KIAA1217: variants seen among roughly 807,000 people sequenced by gnomAD.
The protein encoded by KIAA1217 is KIAA1217.
A neutral mutation model predicts 163.9 loss-of-function variants in KIAA1217; 88 were observed. The ratio of observed to expected loss-of-function variants is 0.54; its 90% CI spans 0.45 to 0.64. KIAA1217 has a LOEUF of 0.64. KIAA1217 is among the 30% of genes least tolerant of loss of function. The probability of loss-of-function intolerance (pLI) is 0.00; values close to 1 mark genes in which losing one functional copy is unlikely to be tolerated. For synonymous variants in KIAA1217, 903 were observed against 923.1 expected (o/e 0.98, Z 0.39); for missense variants, 2,372 against 2,475.0 (o/e 0.96, Z 0.88).
At chr10:24,042,947 A>C (rs1848720842) in intron 2 of KIAA1217, among the ~76,000 whole-genome samples, 1 of 152,230 alleles carries the variant, frequency 6.6e-6, no homozygotes, top group Non-Finnish European at 1.5e-5. Context: ...TTGTATCTGA[A>C]AATACTAACG....
At chr10:23,891,273 A>AT (rs920506315) in intron 1 of KIAA1217, among the ~76,000 whole-genome samples, 1 of 151,696 alleles carries the variant, frequency 6.6e-6, no homozygotes, top group Non-Finnish European at 1.5e-5. Context: ...ACATCTTGCT[A>AT]TTTTTTTCCC....
At chr10:24,431,192 G>T (rs1425812196) in intron 3 of KIAA1217, among the ~76,000 whole-genome samples, 1 of 152,172 alleles carries the variant, frequency 6.6e-6, no homozygotes, top group Non-Finnish European at 1.5e-5. Context: ...AGAGACAAAT[G>T]TATTACATGG....
chr10:24,501,525 C>T lies in KIAA1217; in HGVS notation c.1981C>T (p.Gln661Ter). Residue 661 changes from glutamine to a stop codon, truncating the protein, a stop_gained, in exon 9 of 21, where the codon CAG becomes TAG. Transcript: ENST00000376454. LOFTEE classifies it high-confidence loss of function. ...RSVAELRLQL[Q>*]QMRQLQLQNQ... is the part of the protein sequence containing the mutation. Reference sequence around the variant, plus strand: ...CGTGGCGGAACTCAGGCTCCAGCTCCAGCAGATGCGGCAGCTCCAGGTATT... The same window carrying T: ...CGTGGCGGAACTCAGGCTCCAGCTCTAGCAGATGCGGCAGCTCCAGGTATT... The T allele has an allele frequency of 6.2e-7, 1 of 1,613,488 alleles. No homozygotes were observed. Among genetic ancestry groups the T allele is most frequent in the Non-Finnish European group, 8.5e-7 (1 of 1,179,788 alleles).
At chr10:24,402,773 G>T (rs1416760619) in intron 3 of KIAA1217, among the ~76,000 whole-genome samples, 4 of 152,146 alleles carry the variant, frequency 2.6e-5, no homozygotes, top group Non-Finnish European at 5.9e-5. Flanking sequence ...CTAGATACTG[G>T]TCCTTCATCA....
At chr10:24,128,864 T>TA (rs2063555580) in intron 2 of KIAA1217, among the ~76,000 whole-genome samples, 2 of 152,360 alleles carry the variant, frequency 1.3e-5, no homozygotes, top group Admixed American at 6.5e-5. Context: ...TTAGCTAAAG[T>TA]ACATTGCATT....
In KIAA1217 at chr10:24,351,458, T is replaced by C. The variant is rs11014048; in HGVS notation, c.355-29411T>C. ...GTGTCCTCCCTCGTTCATTCCCTAG[T>C]ATGGGTGGATATAGCTGTGTTACAT... is the stretch of plus-strand genomic sequence containing the variant. On this transcript the variant is annotated intron_variant, in intron 2 of 20. Coordinates refer to ENST00000376454, the MANE Select transcript of KIAA1217 (RefSeq NM_019590.5). 1.6e-3 allele frequency among the ~76,000 whole-genome samples: 241 copies of C among 152,250 alleles called. 5 individuals are homozygous for C. In the East Asian group the frequency reaches 0.04, roughly 25 times the overall value.
At chr10:24,110,137 G>T (rs1440088931) in intron 2 of KIAA1217, among the ~76,000 whole-genome samples, 1 of 152,196 alleles carries the variant, frequency 6.6e-6, no homozygotes, top group African/African-American at 2.4e-5. Context: ...ACTTGAGTTT[G>T]TATAAGAAAA....
intron 2 of KIAA1217, among the ~76,000 whole-genome samples, chr10:24,159,555 G>A (rs559624324): frequency 1.3e-5 from 2 of 151,928 alleles, no homozygotes; most frequent in Non-Finnish European, 1.5e-5. Flanking sequence ...CGAGGCGGGC[G>A]GATCACGAGG....
At chr10:24,370,550 C>T (rs2051487151) in intron 2 of KIAA1217, among the ~76,000 whole-genome samples, 1 of 152,108 alleles carries the variant, frequency 6.6e-6, no homozygotes, top group Admixed American at 6.6e-5. Flanking sequence ...GTAGGCAGGA[C>T]CAACAAGTAA....
intron 16 of KIAA1217, 67 bp from the exon 17 acceptor site, chr10:24,536,707 G>C (rs2074068013): frequency 1.9e-6 from 3 of 1,552,870 alleles, no homozygotes; most frequent in African/African-American, 1.4e-5. Context: ...GGTTGTTCCT[G>C]CCTGTTTCCC....
intron 2 of KIAA1217, among the ~76,000 whole-genome samples, chr10:24,115,389 A>G (rs940271186): frequency 6.6e-6 from 1 of 152,220 alleles, no homozygotes; most frequent in African/African-American, 2.4e-5. Context: ...AGGAAAATTA[A>G]AGCAGAGAGT....
At chr10:24,385,172 G>A (rs945844689) in intron 3 of KIAA1217, among the ~76,000 whole-genome samples, 2 of 152,214 alleles carry the variant, frequency 1.3e-5, no homozygotes, top group African/African-American at 4.8e-5. Flanking sequence ...ACACCACTCC[G>A]GCTCCTGAGA....
intron 2 of KIAA1217, among the ~76,000 whole-genome samples, chr10:24,069,104 A>AG (rs1046852192): frequency 2.0e-5 from 3 of 152,222 alleles, no homozygotes; most frequent in African/African-American, 7.2e-5. Flanking sequence ...GCATTGAGCC[A>AG]GGGGGCAGAG....
chr10:24,023,428 C>A (rs1257323109), intron 2 of KIAA1217, among the ~76,000 whole-genome samples: 1 of 151,578 alleles, frequency 6.6e-6, no homozygotes, highest in East Asian at 1.9e-4. Flanking sequence ...GTTTGAATTG[C>A]ACAGGTCCTC....
chr10:24,014,700 T>A (rs747544293), intron 2 of KIAA1217, among the ~76,000 whole-genome samples: 61 of 152,172 alleles, frequency 4.0e-4, no homozygotes, highest in Non-Finnish European at 7.1e-4. Flanking sequence ...TTTAGTATCT[T>A]AAGAAAGTCT....
intron 2 of KIAA1217, among the ~76,000 whole-genome samples, chr10:24,181,456 A>G (rs967146384): frequency 2.6e-5 from 4 of 152,178 alleles, no homozygotes; most frequent in African/African-American, 9.6e-5. Context: ...TCCAAGTCAA[A>G]GGAGAAAAGT....
intron 2 of KIAA1217, among the ~76,000 whole-genome samples, chr10:24,318,283 C>T (rs1260758527): frequency 6.6e-6 from 1 of 152,018 alleles, no homozygotes; most frequent in African/African-American, 2.4e-5. Context: ...GATAGATAGA[C>T]AGATAGACAG....
At chr10:24,525,244 G>A (rs868860352) in intron 13 of KIAA1217, among the ~76,000 whole-genome samples, 36 of 152,290 alleles carry the variant, frequency 2.4e-4, no homozygotes, top group Middle Eastern at 3.4e-3. Context: ...AGGACAAGCC[G>A]GCTTCAAGCA....
intron 1 of KIAA1217, among the ~76,000 whole-genome samples, chr10:23,898,887 T>C (rs959497260): frequency 1.3e-5 from 2 of 152,122 alleles, no homozygotes; most frequent in Non-Finnish European, 2.9e-5. Context: ...TAGATTCATC[T>C]ATGTTATATC....
Sources: gnomAD v4.1 joint callset for allele counts (sites outside exome capture counted in the v4.1 genomes callset) on GRCh38, gnomAD v4.1.1 for gene constraint, MANE v1.5 for transcripts, NCBI Gene and HGNC (gene_info 2026-07-23, HGNC 2026-07-21) for gene names.